Variants in RNF157 observed in about 807,000 individuals in gnomAD.
The protein encoded by RNF157 is E3 ubiquitin ligase RNF157.
Under a neutral mutation model 88.3 loss-of-function variants are expected in RNF157, and 55 were observed. The observed-to-expected ratio is 0.62, with a 90% CI of 0.50 to 0.78. RNF157 has a LOEUF of 0.78. Ranked by LOEUF, RNF157 falls within the 30% of genes least tolerant of loss-of-function variation. The pLI, the probability that RNF157 is intolerant of heterozygous loss-of-function variation, is 0.00. For missense variants in RNF157, 788 were observed against 860.8 expected (o/e 0.92, Z 1.06); for synonymous variants, 334 against 341.2 (o/e 0.98, Z 0.23).
chr17:76,167,331 T>G (rs1337219187), intron 4 of RNF157, among the ~76,000 whole-genome samples: 1 of 152,208 alleles, frequency 6.6e-6, no homozygotes, highest in Non-Finnish European at 1.5e-5. Flanking sequence ...GGTAGCTTAC[T>G]AGATTTTTAA....
chr17:76,178,882 C>T (rs992026346), intron 2 of RNF157, among the ~76,000 whole-genome samples: 13 of 151,960 alleles, frequency 8.6e-5, no homozygotes, highest in East Asian at 3.9e-4. Context: ...GGTTTGAACA[C>T]GTTCTACCTT....
Position 76,159,446 on chromosome 17 carries a change from A to G in RNF157, c.1193T>C (p.Leu398Pro). ...VLGDGHLSGM[L>P]PSYGSDGHLP... ...GTGGCCATCACTGCCATATGAAGGG[A>G]GCATTCCTGAGAGGTGGCCATCTCC... is the stretch of plus-strand genomic sequence containing the variant. The change falls in exon 12 of 19, where the codon CTC (leucine) becomes CCC (proline). Residue 398 changes from leucine to proline, a missense_variant. Transcript: ENST00000269391. 3.7e-6 allele frequency: 6 copies of G among 1,613,062 alleles called. No homozygotes were observed. Among genetic ancestry groups the G allele is most frequent in the Non-Finnish European group, 5.1e-6 (6 of 1,179,688 alleles).
chr17:76,230,259 A>G (rs924422418), intron 1 of RNF157, among the ~76,000 whole-genome samples: 5 of 152,172 alleles, frequency 3.3e-5, no homozygotes, highest in Non-Finnish European at 5.9e-5. Context: ...ATTTCCCCGG[A>G]TCTTGAGGCA....
At chr17:76,204,652 T>C (rs933001294) in intron 2 of RNF157, among the ~76,000 whole-genome samples, 1 of 152,246 alleles carries the variant, frequency 6.6e-6, no homozygotes, top group African/African-American at 2.4e-5. Flanking sequence ...AATAACTTGC[T>C]CTTCCTGACA....
intron 2 of RNF157, among the ~76,000 whole-genome samples, chr17:76,201,881 C>T (rs775913687): frequency 1.3e-5 from 2 of 152,000 alleles, no homozygotes; most frequent in Non-Finnish European, 2.9e-5. Context: ...TTTTGCACTA[C>T]TACAAGTAAT....
intron 1 of RNF157, among the ~76,000 whole-genome samples, chr17:76,221,805 T>A (rs890905482): frequency 1.3e-5 from 2 of 152,226 alleles, no homozygotes; most frequent in Non-Finnish European, 2.9e-5. Context: ...GTGTCCGACA[T>A]ATGTCCTTAC....
At chr17:76,221,734 T>C (rs538170164) in intron 1 of RNF157, among the ~76,000 whole-genome samples, 1 of 152,286 alleles carries the variant, frequency 6.6e-6, no homozygotes, top group East Asian at 1.9e-4. Context: ...CTATTTATAA[T>C]AATCAAAAGG....
At chr17:76,226,305 C>T (rs1237017742) in intron 1 of RNF157, 12 of 1,608,346 alleles carry the variant, frequency 7.5e-6, no homozygotes, top group Non-Finnish European at 9.4e-6. Flanking sequence ...GACTGGACCC[C>T]TGGGGAAAGG....
chr17:76,146,273 G>T lies in RNF157; in HGVS notation c.1922-920C>A. ...TGGGCCTTGGTTTTCTCACCCATCA[G>T]ATGGGACATGCGTACTGACCTCACG... On this transcript the variant is annotated intron_variant, in intron 18 of 18. Coordinates refer to ENST00000269391, the MANE Select transcript of RNF157 (RefSeq NM_052916.3). This position sits in a 1 kb window ranked among gnomAD's most constrained non-coding sequence, Gnocchi z 4.2. The T allele has an allele frequency of 1.1e-6, 1 of 881,442 alleles. No homozygotes were observed. The highest frequency in any genetic ancestry group is 1.4e-6 in the Non-Finnish European group (1 of 734,910). The allele number at this position is 881,442 out of a possible 1,614,324, so 54.6% of individuals were successfully genotyped here. A position where few individuals can be genotyped will look rare whatever the true frequency, so the allele number is the denominator to read the frequency against.
chr17:76,223,335 G>C (rs2070021532), intron 1 of RNF157, among the ~76,000 whole-genome samples: 1 of 151,392 alleles, frequency 6.6e-6, no homozygotes, highest in Admixed American at 6.6e-5. Context: ...TTACAGGCAT[G>C]TGCCACCAAA....
At chr17:76,206,571 G>A (rs2145002652) in intron 2 of RNF157, among the ~76,000 whole-genome samples, 1 of 152,182 alleles carries the variant, frequency 6.6e-6, no homozygotes, top group South Asian at 2.1e-4. Flanking sequence ...AGGCCGAGGT[G>A]GGTGGATTGC....
At chr17:76,225,312 C>A (rs990540053) in intron 1 of RNF157, among the ~76,000 whole-genome samples, 4 of 152,174 alleles carry the variant, frequency 2.6e-5, no homozygotes, top group African/African-American at 9.7e-5. Flanking sequence ...TAGCAAGACT[C>A]CATCTCCACA....
At chr17:76,185,114 ATTGT>A (rs1420842359) in intron 2 of RNF157, among the ~76,000 whole-genome samples, 1 of 152,166 alleles carries the variant, frequency 6.6e-6, no homozygotes, top group Non-Finnish European at 1.5e-5. Context: ...GTCTTGACTC[ATTGT>A]TTGAGAATAC....
At chr17:76,193,969 C>T (rs540806460) in intron 2 of RNF157, among the ~76,000 whole-genome samples, 2 of 152,302 alleles carry the variant, frequency 1.3e-5, no homozygotes, top group Non-Finnish European at 1.5e-5. Context: ...CGTCCACAAA[C>T]GGGACTCCCT....
intron 1 of RNF157, among the ~76,000 whole-genome samples, chr17:76,228,119 G>A (rs551320949): frequency 6.6e-6 from 1 of 152,116 alleles, no homozygotes; most frequent in East Asian, 1.9e-4. Flanking sequence ...ACCATTTATG[G>A]AATATTCCAT....
chr17:76,198,336 T>C (rs1203634726), intron 2 of RNF157, among the ~76,000 whole-genome samples: 1 of 152,162 alleles, frequency 6.6e-6, no homozygotes, highest in Non-Finnish European at 1.5e-5. Context: ...GGATCTGATA[T>C]GTGCTGGGGG....
chr17:76,166,524 C>G lies in RNF157; in HGVS notation c.565G>C (p.Gly189Arg), dbSNP rs775179415. ...TAAACTTCTCGGTCTAAATCAAAGCCAAGCTGAAGGGAAAGAAAAGGAAAG... is the reference window on the plus strand; with the variant it reads ...TAAACTTCTCGGTCTAAATCAAAGCGAAGCTGAAGGGAAAGAAAAGGAAAG... ...DPSEWAEEELGFDLDREVYPL... is the reference protein window; with the variant it reads ...DPSEWAEEELRFDLDREVYPL... The change falls in exon 6 of 19, where the codon GGC (glycine) becomes CGC (arginine). Residue 189 changes from glycine (G) to arginine (R), a missense_variant. Transcript: ENST00000269391. 1.2e-6 allele frequency: 2 copies of G among 1,613,302 alleles called. No individual in the cohort carries two copies. The highest frequency in any genetic ancestry group is 3.3e-5 in the Admixed American group (2 of 59,976).
rs1264437248 is a variant in RNF157 at position 76,145,362 on chromosome 17, G to C, written c.1922-9C>G. 1 of 1,606,846 alleles carries C rather than the reference G, an allele frequency of 6.2e-7. No individual in the cohort carries two copies. Among genetic ancestry groups the C allele is most frequent in the East Asian group, 2.2e-5 (1 of 44,812 alleles). On this transcript the variant is annotated splice_polypyrimidine_tract_variant and intron_variant, in intron 18 of 18. Transcript: ENST00000269391. The stretch of plus-strand genomic sequence containing the variant: ...ATCAGCCTGCCAGGCACCTGGGGAA[G>C]AGAAAATGAACATTACAGGAGCCAG...
chr17:76,174,218 A>G (rs1264123507), intron 2 of RNF157, among the ~76,000 whole-genome samples: 2 of 152,188 alleles, frequency 1.3e-5, no homozygotes, highest in African/African-American at 4.8e-5. Flanking sequence ...GCGGTATCCC[A>G]GGAGTTTAGG....
Sources: allele counts gnomAD v4.1 joint callset (sites outside exome capture counted in the v4.1 genomes callset), GRCh38; gene constraint gnomAD v4.1.1; non-coding constraint Gnocchi (gnomAD v3.1); transcripts MANE v1.5; gene names NCBI Gene and HGNC (gene_info 2026-07-23, HGNC 2026-07-21).